The following STPG2 variants were observed in gnomAD, a reference collection of about 807,000 sequenced individuals.
STPG2 encodes the protein sperm tail PG-rich repeat containing 2, also known as sperm-tail PG-rich repeat-containing protein 2.
STPG2 carries 56 observed loss-of-function variants against 54.2 expected under a neutral mutation model. That is an observed-to-expected ratio of 1.03 (90% CI 0.83 to 1.29). STPG2 has a LOEUF of 1.29. STPG2 is among the 50% of genes most tolerant of loss of function. The pLI is 0.00. For missense variants in STPG2, 596 were observed against 544.9 expected, an observed-to-expected ratio of 1.09 and a Z score of -0.93; for synonymous variants, 200 against 181.8, an observed-to-expected ratio of 1.10 and a Z score of -0.81.
At chr4:97,974,952 C>T (rs1259544144) in intron 6 of STPG2, among the ~76,000 whole-genome samples, 1 of 152,154 alleles carries the variant, frequency 6.6e-6, no homozygotes, top group African/African-American at 2.4e-5. Context: ...ACACCCAAAC[C>T]ATGGCATACT....
At chr4:98,104,798 T>C (rs935456649) in intron 5 of STPG2, among the ~76,000 whole-genome samples, 5 of 152,206 alleles carry the variant, frequency 3.3e-5, no homozygotes, top group Non-Finnish European at 7.3e-5. Flanking sequence ...AAATTTAAAC[T>C]GTACATTAGA....
At chr4:97,517,186 G>A (rs1731092314) in intron 4 of STPG2, among the ~76,000 whole-genome samples, 1 of 152,044 alleles carries the variant, frequency 6.6e-6, no homozygotes, top group Admixed American at 6.6e-5. Context: ...GGGATTACAG[G>A]AGTGAGCCAC....
chr4:97,686,938 A>ATT (rs1329898661), intron 10 of STPG2, among the ~76,000 whole-genome samples: 1 of 146,908 alleles, frequency 6.8e-6, no homozygotes, highest in African/African-American at 2.5e-5. Context: ...TATTATTATT[A>ATT]TTATTTTTTT....
intron 5 of STPG2, among the ~76,000 whole-genome samples, chr4:98,045,619 A>G (rs988890173): frequency 6.6e-6 from 1 of 152,074 alleles, no homozygotes; most frequent in African/African-American, 2.4e-5. Flanking sequence ...CTCATATAGT[A>G]TTTGGGGGTG....
At position 97,719,854 on chromosome 4, in the gene STPG2, C is replaced by T. The variant is rs111967565; in HGVS notation, c.1205-7040G>A. 7.8e-3 allele frequency among the ~76,000 whole-genome samples: 1,189 copies of T among 151,938 alleles called. 11 individuals carry two copies. Among genetic ancestry groups the T allele is most frequent in the African/African-American group, 0.026 (1,096 of 41,502 alleles). ...TGAAAAGAAATAGATGGATTGAAGT[C>T]GCATTTCTATTTATAATATGCAAAT... On this transcript the variant is annotated intron_variant, in intron 9 of 10. Coordinates refer to ENST00000295268, the MANE Select transcript of STPG2 (RefSeq NM_174952.3).
At chr4:97,673,127 C>G (rs143481034) in intron 10 of STPG2, among the ~76,000 whole-genome samples, 93 of 152,286 alleles carry the variant, frequency 6.1e-4, no homozygotes, top group Middle Eastern at 3.4e-3. Context: ...AAACTGCTAA[C>G]AAGCCAACTC....
At chr4:97,610,406 C>T (rs1483847179) in intron 10 of STPG2, among the ~76,000 whole-genome samples, 1 of 151,950 alleles carries the variant, frequency 6.6e-6, no homozygotes, top group Non-Finnish European at 1.5e-5. Context: ...TCTCTGTTGA[C>T]CACCATTACT....
chr4:97,563,688 C>T (rs536517763), intron 10 of STPG2, among the ~76,000 whole-genome samples: 15 of 152,182 alleles, frequency 9.9e-5, no homozygotes, highest in East Asian at 9.7e-4. Flanking sequence ...GCCTTCATTT[C>T]GTTATGTACC....
At chr4:97,992,184 C>G (rs541725232) in intron 5 of STPG2, among the ~76,000 whole-genome samples, 6 of 152,108 alleles carry the variant, frequency 3.9e-5, no homozygotes, top group Non-Finnish European at 7.4e-5. Flanking sequence ...AGGCTAACGT[C>G]TAGAAGGGTT....
At chr4:97,570,095 A>T (rs1433290350) in intron 10 of STPG2, among the ~76,000 whole-genome samples, 3 of 152,132 alleles carry the variant, frequency 2.0e-5, no homozygotes, top group African/African-American at 7.2e-5. Context: ...TGAAAGACAA[A>T]GCCTCTTTCA....
chr4:97,992,096 AG>A (rs35686027), intron 5 of STPG2, among the ~76,000 whole-genome samples: 62,729 of 151,934 alleles, frequency 0.41, 13,595 homozygotes, highest in Admixed American at 0.53. Flanking sequence ...GAAGCTTTTT[AG>A]TTTAATTAAA....
intron 9 of STPG2, among the ~76,000 whole-genome samples, chr4:97,818,957 C>T (rs1436577718): frequency 1.4e-5 from 2 of 147,140 alleles, no homozygotes; most frequent in East Asian, 1.9e-4. Context: ...TATAAATATA[C>T]ATATTTATAT....
intron 8 of STPG2, among the ~76,000 whole-genome samples, chr4:97,877,828 C>G (rs1730233957): frequency 6.6e-6 from 1 of 152,182 alleles, no homozygotes; most frequent in Non-Finnish European, 1.5e-5. Context: ...AGTCTTAACT[C>G]ATTTCAGCAT....
At chr4:98,089,386 TC>T (rs1738617288) in intron 5 of STPG2, among the ~76,000 whole-genome samples, 1 of 152,110 alleles carries the variant, frequency 6.6e-6, no homozygotes, top group Admixed American at 6.5e-5. Flanking sequence ...CATTATTTGT[TC>T]CTTTTTGTTG....
At chr4:98,139,352 C>T (rs143963026) in intron 1 of STPG2, among the ~76,000 whole-genome samples, 2 of 152,224 alleles carry the variant, frequency 1.3e-5, no homozygotes, top group East Asian at 1.9e-4. Context: ...TAGGAGAGAA[C>T]GGTTGGAAAT....
At chr4:98,002,600 T>TA (rs1735445812) in intron 5 of STPG2, among the ~76,000 whole-genome samples, 1 of 151,962 alleles carries the variant, frequency 6.6e-6, no homozygotes, top group Non-Finnish European at 1.5e-5. Context: ...AATAAGAACT[T>TA]TCTCTGACTC....
At chr4:97,605,568 T>A (rs1733572317) in intron 10 of STPG2, among the ~76,000 whole-genome samples, 1 of 151,706 alleles carries the variant, frequency 6.6e-6, no homozygotes, top group Admixed American at 6.6e-5. Flanking sequence ...TTTTAACAAT[T>A]AAATTAATAA....
At chr4:97,815,266 A>G (rs1266743674) in intron 9 of STPG2, among the ~76,000 whole-genome samples, 1 of 152,130 alleles carries the variant, frequency 6.6e-6, no homozygotes, top group African/African-American at 2.4e-5. Context: ...ACGTTTGTAT[A>G]TACAGCTTGA....
At chr4:98,125,968 T>C (rs1366300719) in intron 3 of STPG2, among the ~76,000 whole-genome samples, 4 of 152,092 alleles carry the variant, frequency 2.6e-5, no homozygotes, top group Non-Finnish European at 5.9e-5. Flanking sequence ...CACTGTGCCG[T>C]GGTGTGGGGA....
Sources: allele counts gnomAD v4.1 joint callset (sites outside exome capture counted in the v4.1 genomes callset), GRCh38; gene constraint gnomAD v4.1.1; transcripts MANE v1.5; gene names NCBI Gene and HGNC (gene_info 2026-07-23, HGNC 2026-07-21).